SLC8A1: variants seen among roughly 807,000 people sequenced by gnomAD.
The protein encoded by SLC8A1 is sodium/calcium exchanger 1.
A neutral mutation model predicts 68.3 loss-of-function variants in SLC8A1; 18 were observed. The observed-to-expected ratio is 0.26, with a 90% CI of 0.18 to 0.39. The LOEUF is 0.39. Ranked by LOEUF, SLC8A1 falls within the 10% of genes least tolerant of loss-of-function variation. The pLI, the probability that SLC8A1 is intolerant of heterozygous loss-of-function variation, is 1.00. For missense variants in SLC8A1, 985 were observed against 1,156.7 expected (o/e 0.85, Z 2.15); for synonymous variants, 475 against 415.5 (o/e 1.14, Z -1.74).
intron 2 of SLC8A1, among the ~76,000 whole-genome samples, chr2:40,393,031 A>G (rs1310367122): frequency 1.3e-5 from 2 of 152,130 alleles, no homozygotes; most frequent in Non-Finnish European, 2.9e-5. Context: ...CAATAGTGAT[A>G]CTGACTGAAT....
intron 2 of SLC8A1, among the ~76,000 whole-genome samples, chr2:40,184,644 C>T (rs1240118568): frequency 1.3e-5 from 2 of 152,086 alleles, no homozygotes; most frequent in African/African-American, 4.8e-5. Flanking sequence ...CCGCAGAAGA[C>T]AGTAATGCCT....
intron 2 of SLC8A1, among the ~76,000 whole-genome samples, chr2:40,257,100 TATC>T (rs1459834057): frequency 6.6e-6 from 1 of 152,178 alleles, no homozygotes; most frequent in South Asian, 2.1e-4. Flanking sequence ...TATTACATCT[TATC>T]ATAATTCTCA....
chr2:40,259,475 A>C (rs1435713172), intron 2 of SLC8A1, among the ~76,000 whole-genome samples: 1 of 151,996 alleles, frequency 6.6e-6, no homozygotes, highest in Non-Finnish European at 1.5e-5. Context: ...CTTTCTTCAC[A>C]ATCTTTTTTC....
intron 2 of SLC8A1, among the ~76,000 whole-genome samples, chr2:40,427,559 C>G (rs1388583715): frequency 6.6e-6 from 1 of 151,462 alleles, no homozygotes; most frequent in African/African-American, 2.4e-5. Context: ...TTCTGGTTTG[C>G]TTTTGGTGAG....
At chr2:40,264,607 A>G (rs2065120240) in intron 2 of SLC8A1, among the ~76,000 whole-genome samples, 1 of 152,168 alleles carries the variant, frequency 6.6e-6, no homozygotes, top group Non-Finnish European at 1.5e-5. Flanking sequence ...AGGACAAAAA[A>G]CCAAACACCG....
chr2:40,232,484 A>G (rs2059782109), intron 2 of SLC8A1, among the ~76,000 whole-genome samples: 1 of 150,866 alleles, frequency 6.6e-6, no homozygotes, highest in Non-Finnish European at 1.5e-5. Flanking sequence ...TTACACAAAG[A>G]GATTGGGGAT....
chr2:40,438,198 C>A (rs1699802854), intron 1 of SLC8A1, among the ~76,000 whole-genome samples: 1 of 152,128 alleles, frequency 6.6e-6, no homozygotes. Flanking sequence ...AATGGTAATT[C>A]TTTCACATAA....
chr2:40,248,113 A>G (rs2062141366), intron 2 of SLC8A1, among the ~76,000 whole-genome samples: 1 of 152,188 alleles, frequency 6.6e-6, no homozygotes, highest in Admixed American at 6.5e-5. Flanking sequence ...CACTCCATGG[A>G]GTAAGTACCA....
chr2:40,419,265 G>A (rs1188960438), intron 2 of SLC8A1, among the ~76,000 whole-genome samples: 2 of 152,136 alleles, frequency 1.3e-5, no homozygotes, highest in African/African-American at 4.8e-5. Context: ...ACTCAGGCAC[G>A]TACACTTGAT....
chr2:40,374,169 G>A (rs887968203), intron 2 of SLC8A1, among the ~76,000 whole-genome samples: 2 of 152,036 alleles, frequency 1.3e-5, no homozygotes, highest in Non-Finnish European at 1.5e-5. Context: ...CAGCTCATGA[G>A]AAGAGAGAAG....
At chr2:40,334,873 G>C (rs1300620748) in intron 2 of SLC8A1, among the ~76,000 whole-genome samples, 2 of 152,152 alleles carry the variant, frequency 1.3e-5, no homozygotes, top group African/African-American at 4.8e-5. Flanking sequence ...CCTAAAACTA[G>C]TCCCTCAGCC....
At chr2:40,336,003 C>G (rs1575502301) in intron 2 of SLC8A1, among the ~76,000 whole-genome samples, 1 of 152,186 alleles carries the variant, frequency 6.6e-6, no homozygotes, top group South Asian at 2.1e-4. Context: ...AGAGCTACAC[C>G]TCAAACAAGT....
At chr2:40,231,149 A>G (rs1266015101) in intron 2 of SLC8A1, among the ~76,000 whole-genome samples, 2 of 152,176 alleles carry the variant, frequency 1.3e-5, no homozygotes, top group African/African-American at 4.8e-5. Flanking sequence ...AAGACTGAGA[A>G]ATGCCACTTC....
At chr2:40,394,702 T>C (rs1203720151) in intron 2 of SLC8A1, among the ~76,000 whole-genome samples, 1 of 152,120 alleles carries the variant, frequency 6.6e-6, no homozygotes, top group African/African-American at 2.4e-5. Flanking sequence ...GAGTGCCTGT[T>C]GCCATAGTAA....
intron 2 of SLC8A1, among the ~76,000 whole-genome samples, chr2:40,352,383 G>C (rs1671370196): frequency 6.6e-6 from 1 of 152,122 alleles, no homozygotes; most frequent in African/African-American, 2.4e-5. Context: ...TGTCTCAAAT[G>C]GTTACCTTAT....
At chr2:40,100,131 T>C (rs984516424) in exon 8 of SLC8A1, 7 of 152,244 alleles carry the variant, frequency 4.6e-5, no homozygotes, top group African/African-American at 1.4e-4. Flanking sequence ...CAAAGGACAC[T>C]GAAAGGCAAA....
rs141053213 is a variant in SLC8A1, at chr2:40,240,648, C to A, written c.1809-62793G>T. On this transcript the variant is annotated intron_variant, in intron 2 of 7. Coordinates refer to ENST00000406785, the Ensembl canonical transcript of SLC8A1. ...ATAAGCTATGCAAAGCCATATAAAT[C>A]TGTACTACTAGAATAATTCATTCCA... 8.7e-4 allele frequency among the ~76,000 whole-genome samples: 133 copies of A among 152,316 alleles called. 1 individual carries two copies. The highest frequency in any genetic ancestry group is 3.1e-3 in the African/African-American group (127 of 41,570).
intron 2 of SLC8A1, among the ~76,000 whole-genome samples, chr2:40,392,733 C>A (rs1685710110): frequency 6.6e-6 from 1 of 151,976 alleles, no homozygotes; most frequent in African/African-American, 2.4e-5. Flanking sequence ...CCAATGATCA[C>A]AGTACCGGAA....
At chr2:40,425,883 C>T (rs1333710218) in intron 2 of SLC8A1, among the ~76,000 whole-genome samples, 1 of 151,996 alleles carries the variant, frequency 6.6e-6, no homozygotes, top group South Asian at 2.1e-4. Flanking sequence ...TGGGTATATA[C>T]CCAAAGAAAT....
Sources: gnomAD v4.1 joint callset for allele counts (sites outside exome capture counted in the v4.1 genomes callset) on GRCh38, gnomAD v4.1.1 for gene constraint, MANE v1.5 for transcripts, NCBI Gene and HGNC (gene_info 2026-07-23, HGNC 2026-07-21) for gene names.